Variants in SLIT1 observed in about 807,000 individuals in gnomAD.
The protein encoded by SLIT1 is slit guidance ligand 1, also known as slit homolog 1 protein.
Under a neutral mutation model 186.1 loss-of-function variants are expected in SLIT1, and 66 were observed. The ratio of observed to expected loss-of-function variants is 0.35; its 90% CI spans 0.29 to 0.44. The LOEUF (loss-of-function observed/expected upper bound fraction) is 0.44. Ranked by LOEUF, SLIT1 falls within the 20% of genes least tolerant of loss-of-function variation. SLIT1 has a pLI of 1.00. For missense variants in SLIT1, 1,638 were observed against 2,037.4 expected, an observed-to-expected ratio of 0.80 and a Z score of 3.77; for synonymous variants, 761 against 833.8, an observed-to-expected ratio of 0.91 and a Z score of 1.50.
Position 97,002,274 on chromosome 10 carries a change from G to T in SLIT1, c.4250C>A (p.Ala1417Asp). 1 of 1,608,232 alleles carries T rather than the reference G, an allele frequency of 6.2e-7. No homozygotes were observed. Among genetic ancestry groups the T allele is most frequent in the Non-Finnish European group, 8.5e-7 (1 of 1,178,034 alleles). ...YSGALCNQAG[A>D]LAEPCRGLQC... ...CAGGCCTCTGCAGGGCTCTGCCAGG[G>T]CCCCGGCCTGGTTGCACAGTGCCCC... Residue 1417 changes from alanine to aspartate, a missense_variant, in exon 36 of 37, where the codon GCC becomes GAC. Transcript: ENST00000266058.
intron 4 of SLIT1, among the ~76,000 whole-genome samples, chr10:97,066,979 C>G (rs142428876): frequency 1.3e-5 from 2 of 152,176 alleles, no homozygotes; most frequent in Non-Finnish European, 2.9e-5. Flanking sequence ...CTGGGGCTTA[C>G]GCTCTGTGTC....
chr10:97,132,229 C>G (rs1351798519), intron 4 of SLIT1, among the ~76,000 whole-genome samples: 2 of 152,166 alleles, frequency 1.3e-5, no homozygotes, highest in South Asian at 2.1e-4. Context: ...CTTCCCAGAC[C>G]CTGGCCCCTG....
chr10:97,123,150 G>A lies in SLIT1; in HGVS notation c.413+34668C>T, dbSNP rs984649299. Among the ~76,000 whole-genome samples the A allele has an allele frequency of 4.6e-5, 7 of 152,170 alleles. No homozygotes were observed. In the South Asian group the frequency reaches 1.5e-3, roughly 32 times the overall value. ...TTAGGGAACTGCAGTGACAGTTGCCGCACGTCACAGATCTTGTCATGCTCT... is the reference window on the plus strand; with the variant it reads ...TTAGGGAACTGCAGTGACAGTTGCCACACGTCACAGATCTTGTCATGCTCT... On this transcript the variant is annotated intron_variant, in intron 4 of 36. Transcript: ENST00000266058.
At chr10:97,109,856 C>T (rs1180656002) in intron 4 of SLIT1, among the ~76,000 whole-genome samples, 1 of 152,204 alleles carries the variant, frequency 6.6e-6, no homozygotes, top group East Asian at 1.9e-4. Flanking sequence ...CGGGCAGACA[C>T]AGCCCAGTCC....
chr10:97,159,205 GTCT>G (rs1849994403), intron 3 of SLIT1, among the ~76,000 whole-genome samples: 1 of 152,146 alleles, frequency 6.6e-6, no homozygotes, highest in African/African-American at 2.4e-5. Context: ...GCAGTAATTG[GTCT>G]GTGGTTACCT....
At chr10:97,015,067 A>C (rs1848443252) in intron 28 of SLIT1, among the ~76,000 whole-genome samples, 1 of 152,166 alleles carries the variant, frequency 6.6e-6, no homozygotes, top group Non-Finnish European at 1.5e-5. Flanking sequence ...AAGGTTTTCC[A>C]AGGGGTGTGT....
intron 1 of SLIT1, among the ~76,000 whole-genome samples, chr10:97,168,343 T>C (rs529722389): frequency 1.3e-5 from 2 of 152,340 alleles, no homozygotes; most frequent in East Asian, 1.9e-4. Flanking sequence ...TCATACATAA[T>C]CCCATCACTA....
intron 4 of SLIT1, among the ~76,000 whole-genome samples, chr10:97,135,019 C>T (rs577348198): frequency 6.6e-6 from 1 of 152,276 alleles, no homozygotes; most frequent in South Asian, 2.1e-4. Flanking sequence ...CACCATGATA[C>T]CCCCAGAGAC....
In SLIT1 at chr10:97,014,077, C is replaced by G; in HGVS notation, c.3051G>C (p.Gly1017=). Residue 1017 remains glycine, a synonymous_variant, in exon 29 of 37, where the codon GGG becomes GGC. Coordinates refer to ENST00000266058, the MANE Select transcript of SLIT1 (RefSeq NM_003061.3). ...TGCCCACACCATCCACACAGACGCC[C>G]CCATTGGCACAGGCATGATCCACAC... ...DDCVDHACAN[G]GVCVDGVGNY... The G allele has an allele frequency of 6.2e-7, 1 of 1,613,914 alleles. No individual in the cohort carries two copies. Among genetic ancestry groups the G allele is most frequent in the Non-Finnish European group, 8.5e-7 (1 of 1,180,008 alleles).
intron 4 of SLIT1, chr10:97,157,389 A>G (rs998410141): frequency 1.2e-5 from 2 of 172,638 alleles, no homozygotes; most frequent in Non-Finnish European, 1.2e-5. Flanking sequence ...TCATGGCCCT[A>G]AACGGTAGAA....
intron 30 of SLIT1, among the ~76,000 whole-genome samples, chr10:97,011,455 GC>G (rs1390774100): frequency 6.6e-6 from 1 of 152,058 alleles, no homozygotes; most frequent in Non-Finnish European, 1.5e-5. Context: ...CACATCCAAG[GC>G]CAACTGTCAG....
chr10:97,004,688 C>A lies in SLIT1; in HGVS notation c.3710+5G>T, dbSNP rs1344472028. On this transcript the variant is annotated splice_donor_5th_base_variant and intron_variant, in intron 33 of 36. Coordinates refer to ENST00000266058, the MANE Select transcript of SLIT1 (RefSeq NM_003061.3). The surrounding 1 kb of genome is among the most constrained non-coding windows in gnomAD (Gnocchi z 5.1). ...GGGCAGCTGGGGGGCATAAGGAAGC[C>A]CTACCTGTAGATGGCAGAGCTGGGG... 1 of 1,613,936 alleles carries A rather than the reference C, an allele frequency of 6.2e-7. No individual in the cohort carries two copies.
chr10:97,181,403 G>A (rs539818885), intron 1 of SLIT1, among the ~76,000 whole-genome samples: 2 of 152,366 alleles, frequency 1.3e-5, no homozygotes, highest in African/African-American at 2.4e-5. Flanking sequence ...GGTGCCCTGG[G>A]CAGCCTTCCT....
chr10:97,097,695 A>T (rs913671062), intron 4 of SLIT1, among the ~76,000 whole-genome samples: 1 of 152,166 alleles, frequency 6.6e-6, no homozygotes, highest in African/African-American at 2.4e-5. Flanking sequence ...GACTTACTCC[A>T]CTCTGATCAT....
chr10:97,181,909 G>T (rs1174590873), intron 1 of SLIT1, among the ~76,000 whole-genome samples: 2 of 152,082 alleles, frequency 1.3e-5, no homozygotes, highest in East Asian at 3.9e-4. Context: ...ACACTCTCCT[G>T]GACACTCAAA....
intron 28 of SLIT1, among the ~76,000 whole-genome samples, chr10:97,018,122 C>T (rs950441991): frequency 6.6e-6 from 1 of 152,162 alleles, no homozygotes; most frequent in Admixed American, 6.5e-5. Context: ...GTTGGGATTA[C>T]AGGAGTGAGC....
chr10:97,076,595 G>A (rs536061253), intron 4 of SLIT1, among the ~76,000 whole-genome samples: 4 of 152,332 alleles, frequency 2.6e-5, no homozygotes, highest in East Asian at 1.9e-4. Context: ...TACTGCATGT[G>A]TGCACGCCTG....
intron 1 of SLIT1, 145 bp from the exon 2 acceptor site, chr10:97,165,035 C>CA (rs1418401524): frequency 1.5e-6 from 1 of 646,696 alleles, no homozygotes; most frequent in Non-Finnish European, 2.8e-6. Flanking sequence ...GAGTCTGTGT[C>CA]AAGACCCAAC....
At position 97,001,221 on chromosome 10, in the gene SLIT1, T is replaced by C; in HGVS notation, c.4496A>G (p.Gln1499Arg). Residue 1499 changes from glutamine to arginine, a missense_variant, in exon 37 of 37, where the codon CAG becomes CGG. Coordinates refer to ENST00000266058, the MANE Select transcript of SLIT1 (RefSeq NM_003061.3). ...CTTCCTCCGCTTCAGCCGAAGGCCC[T>C]GGCAGCAGCCCTGGCCTGGGCACGA... ...RGSCPGQGCC[Q>R]GLRLKRRKFT... The C allele has an allele frequency of 1.2e-6, 2 of 1,613,174 alleles. No individual in the cohort carries two copies. Among genetic ancestry groups the C allele is most frequent in the Non-Finnish European group, 1.7e-6 (2 of 1,179,908 alleles).
Sources: gnomAD v4.1 joint callset for allele counts (sites outside exome capture counted in the v4.1 genomes callset) on GRCh38, gnomAD v4.1.1 for gene constraint, Gnocchi (gnomAD v3.1) non-coding constraint, MANE v1.5 for transcripts, NCBI Gene and HGNC (gene_info 2026-07-23, HGNC 2026-07-21) for gene names.